RPS6KL1: variants seen among roughly 807,000 people sequenced by gnomAD.
RPS6KL1 encodes ribosomal protein S6 kinase-like 1.
In RPS6KL1, 41 loss-of-function variants were observed where a neutral mutation model predicts 57.0. That is an observed-to-expected ratio of 0.72 (90% confidence interval 0.56 to 0.93). The LOEUF (loss-of-function observed/expected upper bound fraction) is 0.93. RPS6KL1 is among the 40% of genes least tolerant of loss of function. RPS6KL1 has a pLI of 0.00. For missense variants in RPS6KL1, 697 were observed against 727.7 expected (o/e 0.96, Z 0.49); for synonymous variants, 287 against 309.7 (o/e 0.93, Z 0.77).
intron 8 of RPS6KL1, 114 bp from the exon 9 acceptor site, chr14:74,909,304 G>A: frequency 8.8e-7 from 1 of 1,136,488 alleles, no homozygotes; most frequent in South Asian, 1.3e-5. Context: ...GCCTTGCTGG[G>A]CAGAAACTCG....
chr14:74,918,745 C>T (rs1887287523), intron 4 of RPS6KL1, 140 bp from the exon 5 acceptor site: 3 of 597,530 alleles, frequency 5.0e-6, no homozygotes, highest in East Asian at 3.1e-5. Context: ...AGGCCCCACC[C>T]CACAGTGGCA....
intron 5 of RPS6KL1, among the ~76,000 whole-genome samples, chr14:74,915,907 C>T (rs1377912641): frequency 6.6e-6 from 1 of 152,236 alleles, no homozygotes; most frequent in East Asian, 1.9e-4. Flanking sequence ...GTCTCAGAGC[C>T]TGGCTCCTGC....
intron 3 of RPS6KL1, 36 bp from the exon 4 acceptor site, chr14:74,920,005 T>C: frequency 6.2e-7 from 1 of 1,613,606 alleles, no homozygotes; most frequent in Non-Finnish European, 8.5e-7. Flanking sequence ...TCCCCAGCCA[T>C]GGCCTCGGAG....
intron 10 of RPS6KL1, among the ~76,000 whole-genome samples, chr14:74,908,418 C>A (rs528157688): frequency 6.6e-6 from 1 of 152,262 alleles, no homozygotes; most frequent in African/African-American, 2.4e-5. Context: ...CCAGGCTGGA[C>A]AGGGCAGCTG....
rs933367092 is a variant in RPS6KL1, at chr14:74,905,601, C to G, written c.*1413G>C. On this transcript the variant is annotated 3_prime_UTR_variant, in exon 12 of 12. Transcript: ENST00000557413. Reference sequence around the variant, plus strand: ...CTACAGGGGAGCCTTCCAACCTGCCCCAATGAGCCGTGGTCATTGCATGGA... The same window carrying G: ...CTACAGGGGAGCCTTCCAACCTGCCGCAATGAGCCGTGGTCATTGCATGGA... 1 of 152,220 alleles carries G rather than the reference C, an allele frequency of 6.6e-6. No homozygotes were observed. Among genetic ancestry groups the G allele is most frequent in the African/African-American group, 2.4e-5 (1 of 41,424 alleles). 9.4% of individuals were successfully genotyped at this position (152,220 alleles called of 1,614,324 possible). A position where few individuals can be genotyped will look rare whatever the true frequency, so the allele number is the denominator to read the frequency against.
Position 74,906,299 on chromosome 14 carries a change from GGCAGACCCAT to G in RPS6KL1, c.*705_*714del. 1 of 347,458 alleles carries G rather than the reference GGCAGACCCAT, an allele frequency of 2.9e-6. No individual in the cohort carries two copies. Among genetic ancestry groups the G allele is most frequent in the South Asian group, 2.1e-5 (1 of 47,230 alleles). 21.5% of individuals were successfully genotyped at this position (347,458 alleles called of 1,614,324 possible). A position where few individuals can be genotyped will look rare whatever the true frequency, so the allele number is the denominator to read the frequency against. On this transcript the variant is annotated 3_prime_UTR_variant, in exon 12 of 12. Transcript: ENST00000557413. ...TTCTGGTTTCAGACTTGCTCTAAGG[GGCAGACCCAT>G]GCATTCCTTCCTCCCCCCATTACTC...
At chr14:74,913,362 G>C (rs1886336804) in intron 5 of RPS6KL1, among the ~76,000 whole-genome samples, 2 of 152,154 alleles carry the variant, frequency 1.3e-5, no homozygotes, top group Non-Finnish European at 2.9e-5. Flanking sequence ...TTCAAGACCA[G>C]CCTGGCCAAC....
At chr14:74,918,162 G>A (rs1163444081) in intron 5 of RPS6KL1, among the ~76,000 whole-genome samples, 1 of 151,310 alleles carries the variant, frequency 6.6e-6, no homozygotes, top group African/African-American at 2.4e-5. Context: ...GCCCTGGTTG[G>A]CCTCTAACTC....
intron 5 of RPS6KL1, among the ~76,000 whole-genome samples, chr14:74,915,629 G>A (rs1356350313): frequency 6.6e-6 from 1 of 152,212 alleles, no homozygotes; most frequent in Non-Finnish European, 1.5e-5. Context: ...CAGGGTGGAG[G>A]CGCAGAAAGG....
At chr14:74,916,738 C>G (rs1368421695) in intron 5 of RPS6KL1, among the ~76,000 whole-genome samples, 2 of 152,102 alleles carry the variant, frequency 1.3e-5, no homozygotes, top group African/African-American at 4.8e-5. Flanking sequence ...TCTGCAGGGG[C>G]CTCGAAACAC....
At position 74,909,207 on chromosome 14, in the gene RPS6KL1, G is replaced by T; in HGVS notation, c.1271-17C>A. The stretch of plus-strand genomic sequence containing the variant: ...GGATGTGACCTCCAGTGTGTGGGAG[G>T]AAAAAGGAGGGGACAGATTGAGGAC... On this transcript the variant is annotated splice_polypyrimidine_tract_variant and intron_variant, in intron 8 of 11. Coordinates refer to ENST00000557413, the MANE Select transcript of RPS6KL1 (RefSeq NM_031464.5). 2 of 1,610,904 alleles carry T rather than the reference G, an allele frequency of 1.2e-6. No homozygotes were observed. Among genetic ancestry groups the T allele is most frequent in the East Asian group, 4.5e-5 (2 of 44,858 alleles).
chr14:74,915,021 T>G (rs1431931973), intron 5 of RPS6KL1, among the ~76,000 whole-genome samples: 2 of 152,186 alleles, frequency 1.3e-5, no homozygotes, highest in Non-Finnish European at 2.9e-5. Flanking sequence ...CCCGCTGACT[T>G]CTTTGAACCT....
chr14:74,910,231 C>T, intron 7 of RPS6KL1, 83 bp from the exon 8 acceptor site: 3 of 1,456,564 alleles, frequency 2.1e-6, no homozygotes, highest in South Asian at 2.9e-5. Flanking sequence ...ACTCCTGCCT[C>T]CCTTCTGTCT....
intron 7 of RPS6KL1, 50 bp from the exon 8 acceptor site, chr14:74,910,198 T>C (rs377717670): frequency 8.6e-5 from 127 of 1,482,192 alleles, no homozygotes; most frequent in Non-Finnish European, 1.1e-4. Context: ...AGAAAAAGAG[T>C]ATGGATGCCA....
intron 1 of RPS6KL1, among the ~76,000 whole-genome samples, chr14:74,922,695 G>C (rs553828619): frequency 6.6e-5 from 10 of 152,220 alleles, no homozygotes; most frequent in African/African-American, 2.4e-4. Flanking sequence ...CCGTGGCTGC[G>C]GGAAGGGAAG....
chr14:74,904,985 A>G lies in RPS6KL1; in HGVS notation c.*2029T>C, dbSNP rs1387652000. On this transcript the variant is annotated 3_prime_UTR_variant, in exon 12 of 12. Coordinates refer to ENST00000557413, the MANE Select transcript of RPS6KL1 (RefSeq NM_031464.5). ...CACAGGAGGGAAGTGGGTCCCAGAG[A>G]GTAGAACTAGAGCTCTAGTAGATAG... 1 of 152,238 alleles carries G rather than the reference A, an allele frequency of 6.6e-6. No individual in the cohort carries two copies. The highest frequency in any genetic ancestry group is 1.5e-5 in the Non-Finnish European group (1 of 68,048). The allele number at this position is 152,238 out of a possible 1,614,324, so 9.4% of individuals were successfully genotyped here.
chr14:74,909,302 G>T, intron 8 of RPS6KL1, 112 bp from the exon 9 acceptor site: 1 of 1,162,234 alleles, frequency 8.6e-7, no homozygotes, highest in Non-Finnish European at 1.3e-6. Flanking sequence ...TGGCCTTGCT[G>T]GGCAGAAACT....
In RPS6KL1 at chr14:74,921,305, G is replaced by A. The variant is rs762131303; in HGVS notation, c.237C>T (p.Gly79=). The change falls in exon 3 of 12, where the codon GGC becomes GGT. Residue 79 remains glycine (G), a synonymous_variant. Coordinates refer to ENST00000557413, the MANE Select transcript of RPS6KL1 (RefSeq NM_031464.5). ...GTATGCCACGGAGCAGCACGTCCACGCCATTCTGATAGTGGTTGAAGGCCG... is the reference window on the plus strand; with the variant it reads ...GTATGCCACGGAGCAGCACGTCCACACCATTCTGATAGTGGTTGAAGGCCG... ...YEAAFNHYQN[G]VDVLLRGIHV... The A allele has an allele frequency of 8.5e-6, 12 of 1,415,786 alleles. No homozygotes were observed. The highest frequency in any genetic ancestry group is 3.9e-4 in the Middle Eastern group (2 of 5,076). The allele number at this position is 1,415,786 out of a possible 1,614,324, so 87.7% of individuals were successfully genotyped here.
chr14:74,907,054 G>C lies in RPS6KL1; in HGVS notation c.1610C>G (p.Pro537Arg). 2 of 1,613,718 alleles carry C rather than the reference G, an allele frequency of 1.2e-6. No individual in the cohort carries two copies. Among genetic ancestry groups the C allele is most frequent in the Non-Finnish European group, 8.5e-7 (1 of 1,179,840 alleles). Residue 537 changes from proline to arginine, a missense_variant, in exon 12 of 12, where the codon CCC (proline) becomes CGC (arginine). By Grantham distance (103) the Pro-to-Arg change is moderately radical. Coordinates refer to ENST00000557413, the MANE Select transcript of RPS6KL1 (RefSeq NM_031464.5). ...GCTCCATTGGATGGTACTGAAAAAG[G>C]GATGGGACTTGAGTTTGCTGACACC... ...EGGVSKLKSH[P>R]FFSTIQWSKL...
Sources: gnomAD v4.1 joint callset for allele counts (sites outside exome capture counted in the v4.1 genomes callset) on GRCh38, gnomAD v4.1.1 for gene constraint, MANE v1.5 for transcripts, NCBI Gene and HGNC (gene_info 2026-07-23, HGNC 2026-07-21) for gene names.